Variants in MICAL3 observed in about 807,000 individuals in gnomAD.
MICAL3 encodes the protein microtubule associated monooxygenase, calponin and LIM domain containing 3.
Under a neutral mutation model 207.4 loss-of-function variants are expected in MICAL3, and 62 were observed. That is an observed-to-expected ratio of 0.30 (90% CI 0.24 to 0.37). The LOEUF is 0.37. Among genes scored for constraint, MICAL3 ranks in the 10% least tolerant of loss-of-function variants. MICAL3 has a pLI of 1.00. For synonymous variants in MICAL3, 1,077 were observed against 1,069.3 expected, an observed-to-expected ratio of 1.01 and a Z score of -0.14; for missense variants, 2,368 against 2,635.6, an observed-to-expected ratio of 0.90 and a Z score of 2.22.
At chr22:17,881,518 G>A (rs1929431868) in intron 16 of MICAL3, among the ~76,000 whole-genome samples, 1 of 152,074 alleles carries the variant, frequency 6.6e-6, no homozygotes, top group African/African-American at 2.4e-5. Context: ...TGATCTGCGG[G>A]ACTGGGGAGA....
chr22:17,953,143 G>A (rs960921153), intron 1 of MICAL3, among the ~76,000 whole-genome samples: 2 of 152,168 alleles, frequency 1.3e-5, no homozygotes, highest in African/African-American at 4.8e-5. Flanking sequence ...ATCTTTCCTC[G>A]ATCAGAGTGA....
chr22:17,945,262 T>C (rs1934008720), intron 1 of MICAL3, among the ~76,000 whole-genome samples: 2 of 152,068 alleles, frequency 1.3e-5, no homozygotes, highest in East Asian at 1.9e-4. Flanking sequence ...CCGGTGGTGG[T>C]GTAAAACGAC....
chr22:18,023,663 G>C (rs2146522549), intron 1 of MICAL3, among the ~76,000 whole-genome samples: 1 of 152,358 alleles, frequency 6.6e-6, no homozygotes, highest in East Asian at 1.9e-4. Context: ...CCGTCCTTTT[G>C]TTGCACACGC....
intron 21 of MICAL3, among the ~76,000 whole-genome samples, chr22:17,831,247 G>A (rs1369871518): frequency 2.9e-5 from 4 of 140,172 alleles, no homozygotes; most frequent in African/African-American, 5.3e-5. Context: ...CACAGGCCCA[G>A]CAAGTCCCTC....
chr22:17,962,855 C>T (rs965486315), intron 1 of MICAL3, among the ~76,000 whole-genome samples: 1 of 152,144 alleles, frequency 6.6e-6, no homozygotes. Flanking sequence ...TGGTTTTGAA[C>T]TCCTGGCCTC....
At position 17,910,218 on chromosome 22, in the gene MICAL3, C is replaced by T. The variant is rs1227858463; in HGVS notation, c.-74-3332G>A. Among the ~76,000 whole-genome samples, 5 of 152,190 alleles carry T rather than the reference C, an allele frequency of 3.3e-5. No individual in the cohort carries two copies. The South Asian group carries it at 1.0e-3, about 32-fold the overall frequency. Reference sequence around the variant, plus strand: ...AAATCCTTCCCGTCATAGCGCCTGCCTTGGCTTACACCTACCCTGAAAGAG... The same window carrying T: ...AAATCCTTCCCGTCATAGCGCCTGCTTTGGCTTACACCTACCCTGAAAGAG... On this transcript the variant is annotated intron_variant, in intron 1 of 31. Transcript: ENST00000441493.
intron 1 of MICAL3, among the ~76,000 whole-genome samples, chr22:17,952,651 C>T (rs904154610): frequency 3.9e-5 from 6 of 152,236 alleles, no homozygotes; most frequent in Non-Finnish European, 7.3e-5. Context: ...CATCTGAGCT[C>T]CCAAGGCCTG....
intron 1 of MICAL3, among the ~76,000 whole-genome samples, chr22:17,974,187 G>C (rs1935535333): frequency 1.3e-5 from 2 of 152,136 alleles, no homozygotes; most frequent in South Asian, 2.1e-4. Flanking sequence ...CAGCTCCCTA[G>C]GGCTTTGTGA....
At chr22:17,873,747 G>A (rs1425943506) in intron 16 of MICAL3, among the ~76,000 whole-genome samples, 4 of 152,234 alleles carry the variant, frequency 2.6e-5, no homozygotes, top group African/African-American at 9.6e-5. Context: ...TCTCCATCAT[G>A]AGCCGCCCTG....
chr22:17,879,384 CATCAAG>C, intron 16 of MICAL3: 1 of 1,612,570 alleles, frequency 6.2e-7, no homozygotes, highest in Non-Finnish European at 8.5e-7. Context: ...CGGTTGTCAG[CATCAAG>C]ATCCCTGTAT....
intron 1 of MICAL3, among the ~76,000 whole-genome samples, chr22:17,988,474 A>G (rs1184377219): frequency 1.3e-5 from 2 of 152,200 alleles, no homozygotes; most frequent in Admixed American, 6.5e-5. Flanking sequence ...TTGTTTCCTG[A>G]GACGGAGTCT....
intron 1 of MICAL3, among the ~76,000 whole-genome samples, chr22:17,955,379 G>A (rs1263488813): frequency 1.3e-5 from 2 of 152,202 alleles, no homozygotes; most frequent in African/African-American, 2.4e-5. Flanking sequence ...TTACCCATCT[G>A]TTCCAGTAAA....
intron 1 of MICAL3, among the ~76,000 whole-genome samples, chr22:17,954,219 C>T (rs997596320): frequency 1.3e-5 from 2 of 152,092 alleles, no homozygotes; most frequent in African/African-American, 2.4e-5. Context: ...GTGCTACTTA[C>T]GAGAATACAG....
intron 19 of MICAL3, chr22:17,863,592 G>A (rs1926749784): frequency 1.0e-6 from 1 of 985,430 alleles, no homozygotes; most frequent in Non-Finnish European, 1.2e-6. Flanking sequence ...CCCACCTGCA[G>A]GGTACTTAAA....
chr22:17,959,101 C>T (rs190722258), intron 1 of MICAL3, among the ~76,000 whole-genome samples: 48 of 143,148 alleles, frequency 3.4e-4, no homozygotes, highest in Middle Eastern at 4.0e-3. Context: ...CTACAAGCTC[C>T]GCCTCCCGGG....
intron 1 of MICAL3, among the ~76,000 whole-genome samples, chr22:17,950,326 G>GT: frequency 7.4e-6 from 1 of 135,010 alleles, no homozygotes; most frequent in South Asian, 2.4e-4. Context: ...CACATCTGGC[G>GT]TTTTGTTTTT....
At chr22:17,896,198 T>C (rs950970019) in intron 9 of MICAL3, 48 bp downstream of exon 9, 1 of 1,088,016 alleles carries the variant, frequency 9.2e-7, no homozygotes, top group Non-Finnish European at 1.4e-6. Context: ...AAACCACTCC[T>C]TCTTCCCAGT....
chr22:17,980,761 C>T (rs1456811907), intron 1 of MICAL3: 7 of 458,598 alleles, frequency 1.5e-5, no homozygotes, highest in East Asian at 5.8e-5. Context: ...TCATTCCGCC[C>T]GTCTTATCAT....
At chr22:17,872,940 AAG>A in intron 16 of MICAL3, 1 of 917,332 alleles carries the variant, frequency 1.1e-6, no homozygotes, top group Non-Finnish European at 1.8e-6. Context: ...CGGGGAAAAA[AAG>A]AAATCTTTGG....
Sources: allele counts gnomAD v4.1 joint callset (sites outside exome capture counted in the v4.1 genomes callset), GRCh38; gene constraint gnomAD v4.1.1; transcripts MANE v1.5; gene names NCBI Gene and HGNC (gene_info 2026-07-23, HGNC 2026-07-21).